TMEM236: variants seen among roughly 807,000 people sequenced by gnomAD.
The protein encoded by TMEM236 is family with sequence similarity 23, member A.
TMEM236 carries 11 observed loss-of-function variants against 14.7 expected under a neutral mutation model. The ratio of observed to expected loss-of-function variants is 0.75; its 90% CI spans 0.47 to 1.24. The LOEUF (loss-of-function observed/expected upper bound fraction) is 1.24. Ranked by LOEUF, TMEM236 falls within the 50% of genes most tolerant of loss-of-function variation. The pLI is 0.00. For synonymous variants in TMEM236, 182 were observed against 168.6 expected (o/e 1.08, Z -0.62); for missense variants, 464 against 427.3 (o/e 1.09, Z -0.76).
At chr10:17,791,333 C>T (rs1165028775) in intron 3 of TMEM236, among the ~76,000 whole-genome samples, 2 of 151,438 alleles carry the variant, frequency 1.3e-5, no homozygotes, top group African/African-American at 4.9e-5. Flanking sequence ...TGGTGCAAGC[C>T]TGTAGTCCCA....
intron 1 of TMEM236, among the ~76,000 whole-genome samples, chr10:17,753,706 C>T (rs1237578205): frequency 6.6e-6 from 1 of 152,212 alleles, no homozygotes; most frequent in African/African-American, 2.4e-5. Flanking sequence ...CTGCAACGAA[C>T]ATACGGGTGC....
intron 3 of TMEM236, among the ~76,000 whole-genome samples, chr10:17,776,503 C>T (rs1203340843): frequency 6.6e-6 from 1 of 152,120 alleles, no homozygotes; most frequent in African/African-American, 2.4e-5. Context: ...TCTCTTAAAG[C>T]TTATGTTTAA....
chr10:17,773,881 A>G (rs1157180080), intron 2 of TMEM236, among the ~76,000 whole-genome samples: 1 of 152,166 alleles, frequency 6.6e-6, no homozygotes, highest in African/African-American at 2.4e-5. Flanking sequence ...ACACTTTTAT[A>G]TCTTTTTGAT....
At chr10:17,794,168 CA>C (rs1837970965) in intron 3 of TMEM236, among the ~76,000 whole-genome samples, 1 of 152,140 alleles carries the variant, frequency 6.6e-6, no homozygotes, top group African/African-American at 2.4e-5. Flanking sequence ...AGTAGGTAAG[CA>C]TTTTATTAGT....
At chr10:17,762,683 G>T (rs889871627) in intron 1 of TMEM236, among the ~76,000 whole-genome samples, 1 of 137,080 alleles carries the variant, frequency 7.3e-6, no homozygotes, top group Admixed American at 8.0e-5. Flanking sequence ...TTAGGTTTTT[G>T]TCGAGACAGG....
chr10:17,782,832 C>G (rs898280767), intron 3 of TMEM236, among the ~76,000 whole-genome samples: 10 of 152,270 alleles, frequency 6.6e-5, no homozygotes, highest in African/African-American at 2.4e-4. Context: ...GATAATATAT[C>G]TAGCAGATCC....
chr10:17,775,908 CCTT>C (rs2131753068), intron 2 of TMEM236, 118 bp from the exon 3 acceptor site: 1 of 1,312,546 alleles, frequency 7.6e-7, no homozygotes, highest in Non-Finnish European at 1.1e-6. Flanking sequence ...TAAAAACCAA[CCTT>C]CTAGTTTTTT....
intron 1 of TMEM236, among the ~76,000 whole-genome samples, chr10:17,757,108 C>T (rs918794531): frequency 2.6e-5 from 4 of 152,170 alleles, no homozygotes; most frequent in Non-Finnish European, 4.4e-5. Flanking sequence ...TGGCCACATT[C>T]GTGAGCATTA....
chr10:17,765,295 G>A (rs1837444919), intron 1 of TMEM236, among the ~76,000 whole-genome samples: 2 of 152,206 alleles, frequency 1.3e-5, no homozygotes, highest in South Asian at 2.1e-4. Context: ...CAACCCATAG[G>A]ATTTCACTCT....
chr10:17,768,727 ATGTGTGTGTGTGTG>A (rs570319904), intron 1 of TMEM236, among the ~76,000 whole-genome samples: 1 of 144,200 alleles, frequency 6.9e-6, no homozygotes, highest in African/African-American at 2.5e-5. Flanking sequence ...TATACAACTC[ATGTGTGTGTGTGTG>A]TGTGTGTGTG....
chr10:17,777,506 C>G (rs1837678279), intron 3 of TMEM236, among the ~76,000 whole-genome samples: 1 of 152,008 alleles, frequency 6.6e-6, no homozygotes, highest in Admixed American at 6.6e-5. Context: ...GTTGCCTAGG[C>G]TGACCTAGAG....
intron 1 of TMEM236, among the ~76,000 whole-genome samples, chr10:17,756,553 C>G (rs1423417135): frequency 6.6e-6 from 1 of 152,220 alleles, no homozygotes; most frequent in Non-Finnish European, 1.5e-5. Flanking sequence ...GCCTCAGCCT[C>G]CCAAAGTGCT....
intron 3 of TMEM236, among the ~76,000 whole-genome samples, chr10:17,791,940 G>T (rs1462060535): frequency 6.6e-6 from 1 of 152,332 alleles, no homozygotes; most frequent in Middle Eastern, 3.4e-3. Context: ...GCCAACGTCT[G>T]TCTAGCCCAG....
intron 3 of TMEM236, among the ~76,000 whole-genome samples, chr10:17,786,000 G>T (rs74503416): frequency 0.55 from 83,141 of 152,020 alleles, 23,414 homozygotes; most frequent in Non-Finnish European, 0.64. Context: ...AATGTCAGGT[G>T]CTATCAAAAT....
At chr10:17,789,865 C>CA (rs34428377) in intron 3 of TMEM236, among the ~76,000 whole-genome samples, 30,960 of 149,932 alleles carry the variant, frequency 0.21, 3,221 homozygotes, top group Non-Finnish European at 0.22. Context: ...ACTAAAAATA[C>CA]AAAAAAAAAT....
intron 3 of TMEM236, among the ~76,000 whole-genome samples, chr10:17,779,454 C>CT (rs1837712916): frequency 6.6e-6 from 1 of 152,054 alleles, no homozygotes; most frequent in Non-Finnish European, 1.5e-5. Context: ...TCTTCACTGT[C>CT]TTTTTTCTGC....
intron 3 of TMEM236, among the ~76,000 whole-genome samples, chr10:17,788,471 C>G (rs1235824605): frequency 6.6e-6 from 1 of 151,332 alleles, no homozygotes; most frequent in East Asian, 1.9e-4. Flanking sequence ...ATCCAGTGGG[C>G]TGGGCATGGT....
intron 2 of TMEM236, among the ~76,000 whole-genome samples, chr10:17,774,025 A>G (rs1285150289): frequency 2.5e-5 from 1 of 40,778 alleles, no homozygotes; most frequent in African/African-American, 8.1e-5. Flanking sequence ...TCATATATAT[A>G]TATTTTTGTT....
chr10:17,774,931 G>T (rs1394416919), intron 2 of TMEM236, among the ~76,000 whole-genome samples: 1 of 152,008 alleles, frequency 6.6e-6, no homozygotes, highest in Non-Finnish European at 1.5e-5. Context: ...CTGAGTAGCT[G>T]GGACCACTGG....
Sources: gnomAD v4.1 joint callset for allele counts (sites outside exome capture counted in the v4.1 genomes callset) on GRCh38, gnomAD v4.1.1 for gene constraint, MANE v1.5 for transcripts, NCBI Gene and HGNC (gene_info 2026-07-23, HGNC 2026-07-21) for gene names.